Variants in MAG observed in about 807,000 individuals in gnomAD.
MAG encodes the protein myelin-associated glycoprotein.
Under a neutral mutation model 60.7 loss-of-function variants are expected in MAG, and 30 were observed. That is an observed-to-expected ratio of 0.49 (90% confidence interval 0.37 to 0.67). The LOEUF is 0.67. Among genes scored for constraint, MAG ranks in the 30% least tolerant of loss-of-function variants. MAG has a pLI of 0.00. For synonymous variants in MAG, 384 were observed against 376.8 expected, an observed-to-expected ratio of 1.02 and a Z score of -0.22; for missense variants, 795 against 851.7, an observed-to-expected ratio of 0.93 and a Z score of 0.83.
intron 9 of MAG, among the ~76,000 whole-genome samples, chr19:35,311,610 T>C (rs2066527469): frequency 6.6e-6 from 1 of 152,128 alleles, no homozygotes; most frequent in Non-Finnish European, 1.5e-5. Flanking sequence ...ACCCCTCTGC[T>C]CCACATCCTG....
chr19:35,302,323 C>G, intron 6 of MAG, 125 bp from the exon 7 acceptor site: 1 of 1,165,890 alleles, frequency 8.6e-7, no homozygotes, highest in Non-Finnish European at 1.2e-6. Flanking sequence ...CTGGGGTCAC[C>G]TGAGCCTTCC....
Position 35,299,541 on chromosome 19 carries a change from C to A in MAG, c.416-13C>A. On this transcript the variant is annotated splice_polypyrimidine_tract_variant and intron_variant, in intron 4 of 10. Transcript: ENST00000392213. ...GCTGCTTTCTCAGCCCTCCCTTTCC[C>A]CGCCTCGTATAGACACCCCCAACAT... 1 of 1,560,548 alleles carries A rather than the reference C, an allele frequency of 6.4e-7. No homozygotes were observed. Among genetic ancestry groups the A allele is most frequent in the Non-Finnish European group, 8.7e-7 (1 of 1,144,550 alleles).
rs201811383 is a variant in MAG, at chr19:35,312,352, C to G, written c.1716+335C>G. ...TAGGTTCCGGGGGCCTCAGTGTGCCCTCCTCTGGGCCCTCCTTGGGCCCTG... is the reference window on the plus strand; with the variant it reads ...TAGGTTCCGGGGGCCTCAGTGTGCCGTCCTCTGGGCCCTCCTTGGGCCCTG... On this transcript the variant is annotated intron_variant, in intron 10 of 10. Transcript: ENST00000392213. 2,940 of 1,603,658 alleles carry G rather than the reference C, an allele frequency of 1.8e-3. 5 individuals are homozygous for G. Among genetic ancestry groups the G allele is most frequent in the Admixed American group, 2.4e-3 (143 of 60,006 alleles).
At chr19:35,309,314 A>G (rs1413663395) in intron 7 of MAG, among the ~76,000 whole-genome samples, 1 of 152,178 alleles carries the variant, frequency 6.6e-6, no homozygotes, top group African/African-American at 2.4e-5. Context: ...GGGAACTTGC[A>G]CAGTGCTACG....
intron 10 of MAG, 192 bp downstream of exon 10, chr19:35,312,209 G>A (rs1382164397): frequency 8.4e-6 from 12 of 1,433,236 alleles, no homozygotes; most frequent in Admixed American, 5.0e-5. Context: ...TGTAGGGGGC[G>A]ATGGGACGTG....
At chr19:35,296,792 ACT>A (rs752382962) in intron 4 of MAG, among the ~76,000 whole-genome samples, 99 of 151,716 alleles carry the variant, frequency 6.5e-4, no homozygotes, top group Non-Finnish European at 1.2e-3. Context: ...CACACTGCAC[ACT>A]CTACCTACAC....
At position 35,293,973 on chromosome 19, in the gene MAG, C is replaced by T. The variant is rs1460608724; in HGVS notation, c.-79-262C>T. Among the ~76,000 whole-genome samples, 3 of 152,122 alleles carry T rather than the reference C, an allele frequency of 2.0e-5. No homozygotes were observed. Among genetic ancestry groups the T allele is most frequent in the African/African-American group, 7.2e-5 (3 of 41,416 alleles). On this transcript the variant is annotated intron_variant, in intron 1 of 10. Coordinates refer to ENST00000392213, the MANE Select transcript of MAG (RefSeq NM_002361.4). This position sits in a 1 kb window ranked among gnomAD's most constrained non-coding sequence, Gnocchi z 4.0. ...GGGACATCTGCTCCCTCACTCCACT[C>T]GCCACACCCCTCAGTCTCACCCCCG...
intron 1 of MAG, among the ~76,000 whole-genome samples, chr19:35,292,672 C>T (rs200561463): frequency 6.6e-6 from 1 of 150,436 alleles, no homozygotes; most frequent in Non-Finnish European, 1.5e-5. Flanking sequence ...TGTGCGTGTG[C>T]GTGCACACAC....
rs1281496417 is a variant in MAG at position 35,312,199 on chromosome 19, T to A, written c.1716+182T>A. ...GGAGGAGGTGCCCAGGCCGAAGCTG[T>A]GTAGGGGGCGATGGGACGTGGGGCC... On this transcript the variant is annotated intron_variant, in intron 10 of 10. Coordinates refer to ENST00000392213, the MANE Select transcript of MAG (RefSeq NM_002361.4). The A allele has an allele frequency of 4.3e-6, 6 of 1,387,296 alleles. No homozygotes were observed. The East Asian group carries it at 1.4e-4, about 32-fold the overall frequency. 85.9% of individuals were successfully genotyped at this position (1,387,296 alleles called of 1,614,324 possible). A position where few individuals can be genotyped will look rare whatever the true frequency, so the allele number is the denominator to read the frequency against.
At chr19:35,303,726 A>T (rs952672250) in intron 7 of MAG, among the ~76,000 whole-genome samples, 1 of 152,116 alleles carries the variant, frequency 6.6e-6, no homozygotes, top group African/African-American at 2.4e-5. Context: ...TGTCTTGGAA[A>T]TGAAACTCAC....
chr19:35,297,312 C>T (rs367897514), intron 4 of MAG, among the ~76,000 whole-genome samples: 1 of 147,938 alleles, frequency 6.8e-6, no homozygotes, highest in Non-Finnish European at 1.5e-5. Flanking sequence ...ACACACACCA[C>T]ACCAAACACA....
At chr19:35,311,386 C>G (rs2066525935) in intron 9 of MAG, among the ~76,000 whole-genome samples, 1 of 152,058 alleles carries the variant, frequency 6.6e-6, no homozygotes, top group South Asian at 2.1e-4. Context: ...ATCGCTTGAG[C>G]CTGGGAGGTT....
At chr19:35,301,977 T>A (rs1212654356) in intron 6 of MAG, among the ~76,000 whole-genome samples, 7 of 152,190 alleles carry the variant, frequency 4.6e-5, no homozygotes, top group African/African-American at 1.2e-4. Context: ...AAACTGTAAC[T>A]ACCCTGATTT....
chr19:35,306,250 T>A (rs895504177), intron 7 of MAG, among the ~76,000 whole-genome samples: 1 of 147,866 alleles, frequency 6.8e-6, no homozygotes, highest in Non-Finnish European at 1.5e-5. Context: ...ATACTGAGTG[T>A]TCATAGTGCT....
rs959835348 is a variant in MAG, at chr19:35,293,799, G to A, written c.-79-436G>A. On this transcript the variant is annotated intron_variant, in intron 1 of 10. Coordinates refer to ENST00000392213, the MANE Select transcript of MAG (RefSeq NM_002361.4). The surrounding 1 kb of genome is among the most constrained non-coding windows in gnomAD (Gnocchi z 4.0). Reference sequence around the variant, plus strand: ...CAGGACTCTTTTGTACCGGGGACCAGCTTCTGGTGAGGGTGCGGACACCAG... The same window carrying A: ...CAGGACTCTTTTGTACCGGGGACCAACTTCTGGTGAGGGTGCGGACACCAG... Among the ~76,000 whole-genome samples, 1 of 152,116 alleles carries A rather than the reference G, an allele frequency of 6.6e-6. No individual in the cohort carries two copies. The highest frequency in any genetic ancestry group is 2.4e-5 in the African/African-American group (1 of 41,418).
At chr19:35,297,965 C>G (rs1243581302) in intron 4 of MAG, among the ~76,000 whole-genome samples, 1 of 149,010 alleles carries the variant, frequency 6.7e-6, no homozygotes, top group Admixed American at 6.8e-5. Context: ...ACCAAACACA[C>G]ACCACACACT....
chr19:35,300,830 A>G (rs753762162), intron 6 of MAG, among the ~76,000 whole-genome samples: 1 of 152,196 alleles, frequency 6.6e-6, no homozygotes, highest in Non-Finnish European at 1.5e-5. Flanking sequence ...CCTGGGCTCA[A>G]GCAAGCCTAC....
At position 35,310,552 on chromosome 19, in the gene MAG, C is replaced by G; in HGVS notation, c.1525C>G (p.Leu509Val). The G allele has an allele frequency of 1.9e-6, 3 of 1,614,172 alleles. No individual in the cohort carries two copies. Among genetic ancestry groups the G allele is most frequent in the Non-Finnish European group, 2.5e-6 (3 of 1,180,018 alleles). Reference sequence around the variant, plus strand: ...TGGGTCTTTTCTGTCCTCAGATCGACTGATGTGGGCCAAGATCGGGCCTGT... The same window carrying G: ...TGGGTCTTTTCTGTCCTCAGATCGAGTGATGTGGGCCAAGATCGGGCCTGT... ...LELPFQGAHR[L>V]MWAKIGPVGA... The change falls in exon 9 of 11, where the codon CTG becomes GTG. Residue 509 changes from leucine to valine, a missense_variant. Transcript: ENST00000392213.
intron 4 of MAG, among the ~76,000 whole-genome samples, chr19:35,297,122 CCACACACCACA>C (rs1364236193): frequency 1.1e-4 from 16 of 149,960 alleles, no homozygotes; most frequent in South Asian, 2.1e-4. Context: ...GATTTTAAAA[CCACACACCACA>C]CACACACCAC....
Sources: gnomAD v4.1 joint callset for allele counts (sites outside exome capture counted in the v4.1 genomes callset) on GRCh38, gnomAD v4.1.1 for gene constraint, Gnocchi (gnomAD v3.1) non-coding constraint, MANE v1.5 for transcripts, NCBI Gene and HGNC (gene_info 2026-07-23, HGNC 2026-07-21) for gene names.